CASK: variants seen among roughly 807,000 people sequenced by gnomAD.
CASK encodes the protein peripheral plasma membrane protein CASK.
In CASK, 4 loss-of-function variants were observed where a neutral mutation model predicts 82.9. That is an observed-to-expected ratio of 0.05 (90% CI 0.02 to 0.11). CASK has a LOEUF of 0.11. CASK is among the 10% of genes least tolerant of loss of function. CASK has a pLI of 1.00. For missense variants in CASK, 358 were observed against 720.9 expected (o/e 0.50, Z 5.76); for synonymous variants, 259 against 253.5 (o/e 1.02, Z -0.20).
intron 1 of CASK, among the ~76,000 whole-genome samples, chrX:41,887,386 A>T (rs2072069213): frequency 9.2e-6 from 1 of 108,401 alleles, no homozygotes; most frequent in African/African-American, 3.4e-5. Context: ...AGTATTTCTG[A>T]AGTCTTTATC....
intron 18 of CASK, among the ~76,000 whole-genome samples, chrX:41,557,857 T>C (rs1237257690): frequency 2.7e-5 from 3 of 111,910 alleles, no homozygotes; most frequent in Non-Finnish European, 5.6e-5. Flanking sequence ...ACTTTAACGA[T>C]AAGAACAAGG....
intron 10 of CASK, among the ~76,000 whole-genome samples, chrX:41,624,821 A>G (rs1284379912): frequency 9.0e-6 from 1 of 111,565 alleles, no homozygotes; most frequent in Non-Finnish European, 1.9e-5. Context: ...TTCTTCCTAT[A>G]TTACTAACTG....
intron 2 of CASK, among the ~76,000 whole-genome samples, chrX:41,788,701 G>A (rs1222326099): frequency 1.8e-5 from 2 of 111,305 alleles, no homozygotes; most frequent in African/African-American, 6.5e-5. Flanking sequence ...AATCAAGAGA[G>A]TAGAGGAAAT....
At chrX:41,792,812 A>C (rs1193560959) in intron 2 of CASK, among the ~76,000 whole-genome samples, 2 of 111,697 alleles carry the variant, frequency 1.8e-5, no homozygotes, top group East Asian at 5.6e-4. Flanking sequence ...TATCTCTGAG[A>C]TCTAGCATGT....
chrX:41,646,060 A>C (rs2066752449), intron 8 of CASK, among the ~76,000 whole-genome samples: 1 of 111,390 alleles, frequency 9.0e-6, no homozygotes, highest in Non-Finnish European at 1.9e-5. Flanking sequence ...TGCCTCGGAC[A>C]TGCACCTAGT....
At chrX:41,656,187 T>G (rs930649855) in intron 8 of CASK, among the ~76,000 whole-genome samples, 7 of 112,014 alleles carry the variant, frequency 6.2e-5, no homozygotes, top group African/African-American at 1.9e-4. Flanking sequence ...GACAGGTTTC[T>G]TTTGTATCAT....
At chrX:41,836,195 T>C (rs2070923740) in intron 2 of CASK, among the ~76,000 whole-genome samples, 1 of 111,867 alleles carries the variant, frequency 8.9e-6, no homozygotes, top group African/African-American at 3.2e-5. Flanking sequence ...AAAGAATATT[T>C]GCTTTAAAAG....
intron 8 of CASK, chrX:41,660,229 CCT>C: frequency 2.2e-6 from 1 of 449,145 alleles, no homozygotes; most frequent in Non-Finnish European, 3.9e-6. Context: ...TGTTTTTTAC[CCT>C]CTGATAGCTG....
At chrX:41,648,653 T>C (rs1349692176) in intron 8 of CASK, among the ~76,000 whole-genome samples, 1 of 111,595 alleles carries the variant, frequency 9.0e-6, no homozygotes, top group Non-Finnish European at 1.9e-5. Flanking sequence ...TTAAGAAAAA[T>C]AGAAAAGAAC....
At chrX:41,814,379 G>C (rs1404084541) in intron 2 of CASK, among the ~76,000 whole-genome samples, 1 of 111,341 alleles carries the variant, frequency 9.0e-6, no homozygotes, top group Non-Finnish European at 1.9e-5. Context: ...TTAAGAAAAT[G>C]TGACACATAT....
At chrX:41,524,221 A>G in intron 25 of CASK, 187 bp from the exon 26 acceptor site, 1 of 426,535 alleles carries the variant, frequency 2.3e-6, no homozygotes. Context: ...TAAAGGATGG[A>G]CAATAGCCAT....
intron 5 of CASK, among the ~76,000 whole-genome samples, chrX:41,720,665 T>C (rs1235533383): frequency 9.0e-6 from 1 of 111,252 alleles, no homozygotes; most frequent in Non-Finnish European, 1.9e-5. Context: ...ATGAAGCACA[T>C]GGCTTCAGGA....
At chrX:41,793,875 C>G (rs2069785395) in intron 2 of CASK, among the ~76,000 whole-genome samples, 1 of 111,637 alleles carries the variant, frequency 9.0e-6, no homozygotes, top group African/African-American at 3.3e-5. Flanking sequence ...CTGGGTTCTA[C>G]CTTTATCTCA....
At chrX:41,812,441 CA>C (rs1462394828) in intron 2 of CASK, among the ~76,000 whole-genome samples, 1 of 111,352 alleles carries the variant, frequency 9.0e-6, no homozygotes, top group Non-Finnish European at 1.9e-5. Flanking sequence ...TCAACATATC[CA>C]AATCAATAAA....
chrX:41,556,265 T>C (rs1293123573), intron 19 of CASK: 1 of 112,664 alleles, frequency 8.9e-6, no homozygotes, highest in East Asian at 2.8e-4. Context: ...TTATTAGAAC[T>C]CTCAATAATT....
At chrX:41,700,822 C>T (rs970685219) in intron 5 of CASK, among the ~76,000 whole-genome samples, 5 of 105,399 alleles carry the variant, frequency 4.7e-5, no homozygotes, top group African/African-American at 1.0e-4. Context: ...TCAGGTGATC[C>T]GCCCGCCTTT....
At chrX:41,836,743 T>C (rs2070934207) in intron 2 of CASK, among the ~76,000 whole-genome samples, 1 of 111,650 alleles carries the variant, frequency 9.0e-6, no homozygotes, top group South Asian at 3.7e-4. Flanking sequence ...CTTAATATCT[T>C]GAAATTTGCT....
chrX:41,602,844 C>T (rs1184771027), intron 12 of CASK, among the ~76,000 whole-genome samples: 1 of 109,633 alleles, frequency 9.1e-6, no homozygotes, highest in Non-Finnish European at 1.9e-5. Context: ...TCATGCCGTA[C>T]TTTTACACTG....
At chrX:41,870,389 G>A (rs1379833739) in intron 1 of CASK, among the ~76,000 whole-genome samples, 1 of 111,966 alleles carries the variant, frequency 8.9e-6, no homozygotes, top group Non-Finnish European at 1.9e-5. Context: ...AATCTTCAAT[G>A]ATGAAAGTAA....
Sources: gnomAD v4.1 joint callset for allele counts (sites outside exome capture counted in the v4.1 genomes callset) on GRCh38, gnomAD v4.1.1 for gene constraint, MANE v1.5 for transcripts, NCBI Gene and HGNC (gene_info 2026-07-23, HGNC 2026-07-21) for gene names.